The following HS6ST3 variants were observed in gnomAD, a reference collection of about 807,000 sequenced individuals.
The protein encoded by HS6ST3 is heparan sulfate 6-O-sulfotransferase 3, also known as heparan-sulfate 6-O-sulfotransferase 3.
A neutral mutation model predicts 36.7 loss-of-function variants in HS6ST3; 12 were observed. The ratio of observed to expected loss-of-function variants is 0.33; its 90% CI spans 0.21 to 0.53. The LOEUF is 0.53. Ranked by LOEUF, HS6ST3 falls within the 20% of genes least tolerant of loss-of-function variation. The pLI, the probability that HS6ST3 is intolerant of heterozygous loss-of-function variation, is 0.95. For synonymous variants in HS6ST3, 240 were observed against 257.5 expected (o/e 0.93, Z 0.65); for missense variants, 584 against 640.9 (o/e 0.91, Z 0.96).
At chr13:96,718,380 A>T (rs1416614327) in intron 1 of HS6ST3, among the ~76,000 whole-genome samples, 1 of 152,136 alleles carries the variant, frequency 6.6e-6, no homozygotes, top group East Asian at 1.9e-4. Flanking sequence ...GAGTATCTTG[A>T]GATTATAGGA....
chr13:96,170,943 ACACG>A (rs915894657), intron 1 of HS6ST3, among the ~76,000 whole-genome samples: 4 of 152,194 alleles, frequency 2.6e-5, no homozygotes, highest in African/African-American at 7.2e-5. Context: ...GCACACACAC[ACACG>A]CACGTAGGCC....
chr13:96,380,702 A>G (rs950454018), intron 1 of HS6ST3, among the ~76,000 whole-genome samples: 2 of 152,238 alleles, frequency 1.3e-5, no homozygotes, highest in Non-Finnish European at 2.9e-5. Flanking sequence ...AAATAAAGAA[A>G]TAGTTTTGGA....
At chr13:96,521,324 G>A (rs1411396631) in intron 1 of HS6ST3, among the ~76,000 whole-genome samples, 3 of 152,082 alleles carry the variant, frequency 2.0e-5, no homozygotes, top group Non-Finnish European at 2.9e-5. Context: ...TTTTTGTGGC[G>A]TGTCTGCCAG....
chr13:96,730,913 G>C (rs941453076), intron 1 of HS6ST3, among the ~76,000 whole-genome samples: 1 of 151,988 alleles, frequency 6.6e-6, no homozygotes, highest in Non-Finnish European at 1.5e-5. Flanking sequence ...TTAAATTTTT[G>C]TAGAGATGAG....
chr13:96,273,830 G>C (rs928780147), intron 1 of HS6ST3, among the ~76,000 whole-genome samples: 10 of 151,926 alleles, frequency 6.6e-5, no homozygotes, highest in Non-Finnish European at 1.5e-4. Context: ...TGAGCCTCAG[G>C]AACAATGATT....
chr13:96,484,172 G>T (rs1018815135), intron 1 of HS6ST3, among the ~76,000 whole-genome samples: 1 of 151,984 alleles, frequency 6.6e-6, no homozygotes, highest in Non-Finnish European at 1.5e-5. Context: ...GGAAAAAATG[G>T]TAAGAATTGT....
chr13:96,759,475 G>A (rs1362499886), intron 1 of HS6ST3, among the ~76,000 whole-genome samples: 1 of 151,206 alleles, frequency 6.6e-6, no homozygotes, highest in Non-Finnish European at 1.5e-5. Flanking sequence ...TTTACACTAG[G>A]GATTATAATA....
intron 1 of HS6ST3, chr13:96,427,283 G>A (rs2055591904): frequency 6.5e-6 from 1 of 154,338 alleles, no homozygotes; most frequent in Non-Finnish European, 1.5e-5. Context: ...TTCATCAGAT[G>A]TCACATTTTA....
At chr13:96,142,055 AG>A (rs2054034749) in intron 1 of HS6ST3, among the ~76,000 whole-genome samples, 1 of 127,932 alleles carries the variant, frequency 7.8e-6, no homozygotes, top group African/African-American at 2.9e-5. Flanking sequence ...AAAAAAAAAA[AG>A]CTGGCCAAGG....
intron 1 of HS6ST3, among the ~76,000 whole-genome samples, chr13:96,633,532 A>G (rs945784470): frequency 6.6e-6 from 1 of 152,138 alleles, no homozygotes; most frequent in Admixed American, 6.6e-5. Flanking sequence ...GGTATAATGG[A>G]CTCAGATGTA....
At chr13:96,792,332 A>C (rs922016041) in intron 1 of HS6ST3, among the ~76,000 whole-genome samples, 1 of 151,978 alleles carries the variant, frequency 6.6e-6, no homozygotes, top group Non-Finnish European at 1.5e-5. Context: ...GGGAGCTCAC[A>C]GCCCTAGCAC....
chr13:96,638,809 A>T (rs1259828740), intron 1 of HS6ST3, among the ~76,000 whole-genome samples: 1 of 151,950 alleles, frequency 6.6e-6, no homozygotes, highest in Non-Finnish European at 1.5e-5. Flanking sequence ...GAATAGATTA[A>T]TAGATGGATA....
intron 1 of HS6ST3, among the ~76,000 whole-genome samples, chr13:96,796,081 T>C (rs1877901050): frequency 6.6e-6 from 1 of 152,152 alleles, no homozygotes; most frequent in Admixed American, 6.6e-5. Flanking sequence ...CCAATATGTC[T>C]GTTACCTTTC....
At chr13:96,706,734 T>A (rs1338841695) in intron 1 of HS6ST3, among the ~76,000 whole-genome samples, 2 of 151,988 alleles carry the variant, frequency 1.3e-5, no homozygotes, top group Non-Finnish European at 2.9e-5. Context: ...GACATTTTTT[T>A]AAAAAACAAT....
rs372481215 is a variant in HS6ST3, at chr13:96,139,439, T to A, written c.707+47870T>A. ...ATAATGAATCCTGTAATTTGATGAG[T>A]GTAAGCGGGTAAAAAATGGCATTTA... is the stretch of plus-strand genomic sequence containing the variant. On this transcript the variant is annotated intron_variant, in intron 1 of 1. Coordinates refer to ENST00000376705, the MANE Select transcript of HS6ST3 (RefSeq NM_153456.4). Among the ~76,000 whole-genome samples, 297 of 148,570 alleles carry A rather than the reference T, an allele frequency of 2.0e-3. 11 individuals carry two copies. The South Asian group carries it at 0.06, about 30-fold the overall frequency.
intron 1 of HS6ST3, among the ~76,000 whole-genome samples, chr13:96,630,984 A>T (rs746871356): frequency 1.3e-5 from 2 of 152,200 alleles, no homozygotes; most frequent in Non-Finnish European, 2.9e-5. Flanking sequence ...AGTACAGCTT[A>T]TTATACACAG....
chr13:96,331,089 T>C (rs1381418828), intron 1 of HS6ST3, among the ~76,000 whole-genome samples: 1 of 152,196 alleles, frequency 6.6e-6, no homozygotes, highest in African/African-American at 2.4e-5. Context: ...TTCTGTTAAA[T>C]TTTTTTCAAA....
intron 1 of HS6ST3, among the ~76,000 whole-genome samples, chr13:96,522,505 A>T (rs1229470347): frequency 2.0e-5 from 3 of 152,170 alleles, no homozygotes; most frequent in Non-Finnish European, 4.4e-5. Flanking sequence ...TAGGTCTCTA[A>T]GAACTTGCTT....
intron 1 of HS6ST3, among the ~76,000 whole-genome samples, chr13:96,383,873 G>A (rs1042516994): frequency 1.3e-5 from 2 of 152,140 alleles, no homozygotes; most frequent in African/African-American, 4.8e-5. Context: ...AAGTTTGGGG[G>A]AGCCCTGAGG....
Sources: allele counts gnomAD v4.1 joint callset (sites outside exome capture counted in the v4.1 genomes callset), GRCh38; gene constraint gnomAD v4.1.1; transcripts MANE v1.5; gene names NCBI Gene and HGNC (gene_info 2026-07-23, HGNC 2026-07-21).